LPIN1: variants seen among roughly 807,000 people sequenced by gnomAD.
LPIN1 encodes lipin 1.
In LPIN1, 71 loss-of-function variants were observed where a neutral mutation model predicts 107.5. The ratio of observed to expected loss-of-function variants is 0.66; its 90% CI spans 0.55 to 0.80. LPIN1 has a LOEUF of 0.80. LPIN1 is among the 30% of genes least tolerant of loss of function. LPIN1 has a pLI of 0.00. For missense variants in LPIN1, 1,043 were observed against 1,160.6 expected, an observed-to-expected ratio of 0.90 and a Z score of 1.47; for synonymous variants, 445 against 452.6, an observed-to-expected ratio of 0.98 and a Z score of 0.21.
rs914488197 is a variant in LPIN1, at chr2:11,774,648, C to CT, written c.722+904dup. Among the ~76,000 whole-genome samples the CT allele has an allele frequency of 6.6e-6, 1 of 152,174 alleles. No individual in the cohort carries two copies. Among genetic ancestry groups the CT allele is most frequent in the African/African-American group, 2.4e-5 (1 of 41,436 alleles). On this transcript the variant is annotated intron_variant, in intron 5 of 20. Transcript: ENST00000674199. This position sits in a 1 kb window ranked among gnomAD's most constrained non-coding sequence, Gnocchi z 4.4. ...TTCATGGTGCCAGCCCTTAGAAACT[C>CT]TGGGTTCCTACCTGAAGCCGGTCTT...
At position 11,771,989 on chromosome 2, in the gene LPIN1, G is replaced by A. The variant is rs976531818; in HGVS notation, c.596+310G>A. 1.3e-5 allele frequency among the ~76,000 whole-genome samples: 2 copies of A among 152,178 alleles called. No homozygotes were observed. Among genetic ancestry groups the A allele is most frequent in the Non-Finnish European group, 2.9e-5 (2 of 68,030 alleles). ...CATGTAGAATCAGTGGGAGCCCTGA[G>A]CTTGTTTTCCTGCAACTAGACGGTC... On this transcript the variant is annotated intron_variant, in intron 4 of 20. Coordinates refer to ENST00000674199, the MANE Select transcript of LPIN1 (RefSeq NM_001349206.2). The surrounding 1 kb of genome is among the most constrained non-coding windows in gnomAD (Gnocchi z 4.8).
At chr2:11,706,616 A>G (rs1210366611) in intron 1 of LPIN1, among the ~76,000 whole-genome samples, 3 of 152,216 alleles carry the variant, frequency 2.0e-5, no homozygotes, top group African/African-American at 7.2e-5. Context: ...TCTAAGACAT[A>G]AGGTGCTCAA....
chr2:11,709,768 T>G (rs942255272), intron 1 of LPIN1, among the ~76,000 whole-genome samples: 1 of 152,248 alleles, frequency 6.6e-6, no homozygotes, highest in African/African-American at 2.4e-5. Context: ...CCTGATAATC[T>G]GGAAACATTA....
chr2:11,677,853 G>T (rs899417745), intron 1 of LPIN1: 16 of 806,306 alleles, frequency 2.0e-5, no homozygotes, highest in Non-Finnish European at 3.2e-5. Context: ...TTCGGGATGG[G>T]TTTGTGCATT....
chr2:11,776,401 C>T (rs1335308612), intron 6 of LPIN1, among the ~76,000 whole-genome samples: 2 of 150,630 alleles, frequency 1.3e-5, no homozygotes, highest in Non-Finnish European at 3.0e-5. Context: ...TTACTCTTTT[C>T]CTTTCGTTAT....
In LPIN1 at chr2:11,779,512, C is replaced by T. The variant is rs749877700; in HGVS notation, c.831-7C>T. On this transcript the variant is annotated splice_region_variant and splice_polypyrimidine_tract_variant and intron_variant, in intron 6 of 20. Coordinates refer to ENST00000674199, the MANE Select transcript of LPIN1 (RefSeq NM_001349206.2). ...CACCTTAATTTTCGCTTTGTGTTTT[C>T]CTTAAGTCCTTCCGGTTCCCGACCT... 1.1e-5 allele frequency: 18 copies of T among 1,612,932 alleles called. No individual in the cohort carries two copies. The highest frequency in any genetic ancestry group is 1.5e-5 in the Non-Finnish European group (18 of 1,179,860).
intron 1 of LPIN1, among the ~76,000 whole-genome samples, chr2:11,760,505 C>T (rs1027347654): frequency 2.0e-5 from 3 of 152,266 alleles, no homozygotes; most frequent in African/African-American, 7.2e-5. Context: ...CACAGTGAAA[C>T]CCCGTCTCCA....
upstream of LPIN1, among the ~76,000 whole-genome samples, chr2:11,746,406 A>T (rs963142219): frequency 9.2e-5 from 14 of 152,258 alleles, no homozygotes; most frequent in Non-Finnish European, 2.1e-4. Flanking sequence ...TTGGCTCTGG[A>T]AAGGAAAATC....
chr2:11,724,198 C>G (rs530263167), upstream of LPIN1: 2 of 309,312 alleles, frequency 6.5e-6, no homozygotes, highest in Non-Finnish European at 9.4e-6. Flanking sequence ...CCTGCGTGCC[C>G]CCTCCTGAAA....
At chr2:11,818,308 A>G (rs780266433) in intron 18 of LPIN1, 11 of 152,254 alleles carry the variant, frequency 7.2e-5, no homozygotes, top group African/African-American at 2.7e-4. Flanking sequence ...ATTCAAGAGT[A>G]TAGTCTATTC....
intron 1 of LPIN1, among the ~76,000 whole-genome samples, chr2:11,755,489 G>A (rs180980577): frequency 1.3e-5 from 2 of 152,256 alleles, no homozygotes; most frequent in Admixed American, 6.5e-5. Context: ...GACTCACTTG[G>A]TAGACAGATG....
chr2:11,727,213 C>T (rs907800002), intron 1 of LPIN1, among the ~76,000 whole-genome samples: 1 of 151,890 alleles, frequency 6.6e-6, no homozygotes, highest in African/African-American at 2.4e-5. Flanking sequence ...TTTTCTGTTT[C>T]CCTCTTTCTT....
chr2:11,700,045 G>C (rs868861376), intron 1 of LPIN1, among the ~76,000 whole-genome samples: 1 of 152,194 alleles, frequency 6.6e-6, no homozygotes, highest in Admixed American at 6.5e-5. Flanking sequence ...GTCTTTCTTT[G>C]ATTGTTATTC....
intron 2 of LPIN1, among the ~76,000 whole-genome samples, chr2:11,714,073 T>C (rs1237225324): frequency 6.6e-6 from 1 of 152,116 alleles, no homozygotes; most frequent in Non-Finnish European, 1.5e-5. Context: ...GAGAAAGGAG[T>C]TTGTCACCTC....
rs558604953 is a variant in LPIN1 at position 11,787,147 on chromosome 2, C to A, written c.1623C>A (p.Leu541=). ...CCGCTATTATCGATGACCCCAATCTCGTGGTAAAGATTGGGAGTAAGTAAG... is the reference window on the plus strand; with the variant it reads ...CCGCTATTATCGATGACCCCAATCTAGTGGTAAAGATTGGGAGTAAGTAAG... The part of the protein sequence containing the change: ...DNPAIIDDPN[L]VVKIGSKYYN... Residue 541 remains leucine, a synonymous_variant, in exon 11 of 21, where the codon CTC becomes CTA. Transcript: ENST00000674199. The A allele has an allele frequency of 6.2e-7, 1 of 1,613,204 alleles. No individual in the cohort carries two copies. The highest frequency in any genetic ancestry group is 2.2e-5 in the East Asian group (1 of 44,882).
intron 1 of LPIN1, among the ~76,000 whole-genome samples, chr2:11,725,200 G>A (rs999825481): frequency 6.6e-6 from 1 of 152,248 alleles, no homozygotes. Context: ...GGCAGAGCCT[G>A]CATTGAGCTG....
chr2:11,805,845 G>A (rs1483784076), intron 17 of LPIN1, among the ~76,000 whole-genome samples: 2 of 152,162 alleles, frequency 1.3e-5, no homozygotes, highest in South Asian at 2.1e-4. Context: ...CATTGCTCTC[G>A]TCTGCCTCCA....
chr2:11,826,678 A>G lies in LPIN1; in HGVS notation c.*1887A>G, dbSNP rs1372898731. 1 of 152,222 alleles carries G rather than the reference A, an allele frequency of 6.6e-6. No individual in the cohort carries two copies. The highest frequency in any genetic ancestry group is 6.5e-5 in the Admixed American group (1 of 15,280). 9.4% of individuals were successfully genotyped at this position (152,222 alleles called of 1,614,324 possible). On this transcript the variant is annotated 3_prime_UTR_variant, in exon 21 of 21. Coordinates refer to ENST00000674199, the MANE Select transcript of LPIN1 (RefSeq NM_001349206.2). ...TAAGCTCATGGGCCTGCAAAGGTTC[A>G]GACGGTTTCTCCTTTGCACCCAGGA... is the stretch of plus-strand genomic sequence containing the variant.
chr2:11,787,228 C>A, intron 11 of LPIN1, 61 bp downstream of exon 11: 1 of 1,100,660 alleles, frequency 9.1e-7, no homozygotes, highest in Non-Finnish European at 1.4e-6. Flanking sequence ...TTCATGTTTT[C>A]AAATAGACCT....
Sources: gnomAD v4.1 joint callset for allele counts (sites outside exome capture counted in the v4.1 genomes callset) on GRCh38, gnomAD v4.1.1 for gene constraint, Gnocchi (gnomAD v3.1) non-coding constraint, MANE v1.5 for transcripts, NCBI Gene and HGNC (gene_info 2026-07-23, HGNC 2026-07-21) for gene names.